SENP7: variants seen among roughly 807,000 people sequenced by gnomAD.
SENP7 encodes sentrin-specific protease 7.
In SENP7, 64 loss-of-function variants were observed where a neutral mutation model predicts 141.2. The ratio of observed to expected loss-of-function variants is 0.45; its 90% CI spans 0.37 to 0.56. The LOEUF is 0.56. Ranked by LOEUF, SENP7 falls within the 20% of genes least tolerant of loss-of-function variation. The probability of loss-of-function intolerance (pLI) is 0.00; values close to 1 mark genes in which losing one functional copy is unlikely to be tolerated. For synonymous variants in SENP7, 382 were observed against 426.4 expected (o/e 0.90, Z 1.28); for missense variants, 1,025 against 1,212.2 (o/e 0.85, Z 2.29).
chr3:101,482,744 C>CTTTTTTTTTTTTTTTTTTT (rs1196451735), intron 3 of SENP7, among the ~76,000 whole-genome samples: 4 of 151,904 alleles, frequency 2.6e-5, no homozygotes. Context: ...GGTGACCTAT[C>CTTTTTTTTTTTTTTTTTTT]TTTTTATTTT....
intron 2 of SENP7, among the ~76,000 whole-genome samples, chr3:101,498,128 A>G (rs778784245): frequency 6.6e-6 from 1 of 152,232 alleles, no homozygotes; most frequent in African/African-American, 2.4e-5. Flanking sequence ...ATAAATCTAT[A>G]ATGAATGGGC....
rs9829557 is a variant in SENP7, at chr3:101,443,722, C to A, written c.284+15233G>T. Among the ~76,000 whole-genome samples the A allele has an allele frequency of 4.1e-3, 501 of 123,272 alleles. 17 individuals are homozygous for A. Among genetic ancestry groups the A allele is most frequent in the Non-Finnish European group, 6.6e-3 (392 of 59,512 alleles). The allele number at this position is 123,272 out of a possible 152,430, so 80.9% of individuals were successfully genotyped here. On this transcript the variant is annotated intron_variant, in intron 4 of 23. Transcript: ENST00000394095. ...ATTCTCTTTGAAGCAATTGTGAATG[C>A]GAGTTCACTCATGATTTGGCTCTCT... is the stretch of plus-strand genomic sequence containing the variant.
chr3:101,498,339 A>G (rs2065240097), intron 2 of SENP7, among the ~76,000 whole-genome samples: 1 of 152,184 alleles, frequency 6.6e-6, no homozygotes, highest in South Asian at 2.1e-4. Context: ...CATCTTAACC[A>G]AACAATCAAG....
rs780637194 is a variant in SENP7 at position 101,341,634 on chromosome 3, G to C, written c.2240+12C>G. 6.4e-7 allele frequency: 1 copy of C among 1,561,478 alleles called. No individual in the cohort carries two copies. The highest frequency in any genetic ancestry group is 8.7e-7 in the Non-Finnish European group (1 of 1,143,658). ...TGCCCATCTACTACAAACATGCTATGACAGTACATACTTCTGAACAAGTCC... is the reference window on the plus strand; with the variant it reads ...TGCCCATCTACTACAAACATGCTATCACAGTACATACTTCTGAACAAGTCC... On this transcript the variant is annotated intron_variant, in intron 15 of 23. Transcript: ENST00000394095.
chr3:101,511,079 A>G (rs918134569), intron 1 of SENP7, among the ~76,000 whole-genome samples: 1 of 152,218 alleles, frequency 6.6e-6, no homozygotes, highest in Non-Finnish European at 1.5e-5. Flanking sequence ...CAGCTAGGTA[A>G]CATTAGATTT....
chr3:101,329,439 T>G (rs1197227786), intron 20 of SENP7, among the ~76,000 whole-genome samples: 1 of 151,872 alleles, frequency 6.6e-6, no homozygotes, highest in Non-Finnish European at 1.5e-5. Context: ...TCAGTGACAG[T>G]AAAGACATAG....
intron 6 of SENP7, among the ~76,000 whole-genome samples, chr3:101,385,345 G>A (rs1026067912): frequency 2.6e-5 from 4 of 151,826 alleles, no homozygotes; most frequent in African/African-American, 9.7e-5. Flanking sequence ...AGCAGATTTT[G>A]GCAAAAGGCA....
intron 3 of SENP7, among the ~76,000 whole-genome samples, chr3:101,480,978 G>T (rs1280248824): frequency 6.8e-6 from 1 of 147,324 alleles, no homozygotes; most frequent in Non-Finnish European, 1.5e-5. Flanking sequence ...AAAAAAAACA[G>T]ATGCTGGTGA....
At chr3:101,461,891 G>T (rs577277344) in intron 3 of SENP7, among the ~76,000 whole-genome samples, 1 of 152,204 alleles carries the variant, frequency 6.6e-6, no homozygotes, top group African/African-American at 2.4e-5. Flanking sequence ...TGTGCTAAGT[G>T]AAAGAAGCCA....
Position 101,340,918 on chromosome 3 carries a change from C to CAGT in SENP7, c.2241-710_2241-708dup, listed in dbSNP as rs529618520. Among the ~76,000 whole-genome samples the CAGT allele has an allele frequency of 2.4e-4, 37 of 152,276 alleles. No homozygotes were observed. The East Asian group carries it at 6.8e-3, about 28-fold the overall frequency. Reference sequence around the variant, plus strand: ...GGCTATAATCTTGGAATAGGTAGAGCAGTACTCAATGAAAAATGTAGTCAG... The same window carrying CAGT: ...GGCTATAATCTTGGAATAGGTAGAGCAGTAGTACTCAATGAAAAATGTAGTCAG... On this transcript the variant is annotated intron_variant, in intron 15 of 23. Coordinates refer to ENST00000394095, the MANE Select transcript of SENP7 (RefSeq NM_020654.5).
chr3:101,493,752 T>C (rs9876655), intron 3 of SENP7, 121 bp downstream of exon 3: 104,812 of 541,720 alleles, frequency 0.19, 11,922 homozygotes, highest in Admixed American at 0.39. Context: ...AATCTGCAAT[T>C]AAATAACACA....
chr3:101,364,158 T>G (rs1391715809), intron 10 of SENP7, among the ~76,000 whole-genome samples: 1 of 151,880 alleles, frequency 6.6e-6, no homozygotes, highest in African/African-American at 2.4e-5. Context: ...GCCCAAGAGG[T>G]TGAGGCTGCA....
chr3:101,469,323 T>C (rs1262893074), intron 3 of SENP7, among the ~76,000 whole-genome samples: 1 of 152,108 alleles, frequency 6.6e-6, no homozygotes, highest in Non-Finnish European at 1.5e-5. Flanking sequence ...AACACACCAC[T>C]GTCAATATTA....
intron 4 of SENP7, among the ~76,000 whole-genome samples, chr3:101,454,781 T>C (rs62280731): frequency 0.13 from 19,676 of 152,146 alleles, 1,328 homozygotes; most frequent in South Asian, 0.18. Context: ...ATATGAAATG[T>C]CCAAAAAATC....
intron 6 of SENP7, among the ~76,000 whole-genome samples, chr3:101,397,968 G>C (rs1169777166): frequency 3.9e-5 from 6 of 152,144 alleles, no homozygotes; most frequent in Non-Finnish European, 8.8e-5. Context: ...TCCTCTCCTA[G>C]AGCTTAAAAC....
At chr3:101,363,799 A>G (rs1458952823) in intron 10 of SENP7, among the ~76,000 whole-genome samples, 1 of 152,222 alleles carries the variant, frequency 6.6e-6, no homozygotes, top group African/African-American at 2.4e-5. Flanking sequence ...CCAACTCTTC[A>G]CCATACTCTG....
chr3:101,470,854 T>A (rs1210325501), intron 3 of SENP7, among the ~76,000 whole-genome samples: 4 of 152,014 alleles, frequency 2.6e-5, no homozygotes, highest in East Asian at 1.9e-4. Flanking sequence ...TTATACACCC[T>A]TAACAGACAA....
chr3:101,494,046 T>C, intron 2 of SENP7, 78 bp from the exon 3 acceptor site: 2 of 668,580 alleles, frequency 3.0e-6, no homozygotes, highest in Non-Finnish European at 5.2e-6. Flanking sequence ...ACCACTATAC[T>C]ACCCTGCATC....
intron 3 of SENP7, among the ~76,000 whole-genome samples, chr3:101,489,227 C>T (rs2064859211): frequency 6.6e-6 from 1 of 152,084 alleles, no homozygotes; most frequent in Non-Finnish European, 1.5e-5. Context: ...AAGCACATAG[C>T]CCACAGACAC....
Sources: gnomAD v4.1 joint callset for allele counts (sites outside exome capture counted in the v4.1 genomes callset) on GRCh38, gnomAD v4.1.1 for gene constraint, MANE v1.5 for transcripts, NCBI Gene and HGNC (gene_info 2026-07-23, HGNC 2026-07-21) for gene names.